Variants in ZMIZ1 observed in about 807,000 individuals in gnomAD.
The protein encoded by ZMIZ1 is zinc finger MIZ domain-containing protein 1.
A neutral mutation model predicts 113.9 loss-of-function variants in ZMIZ1; 17 were observed. The ratio of observed to expected loss-of-function variants is 0.15; its 90% CI spans 0.10 to 0.22. The LOEUF is 0.22. Ranked by LOEUF, ZMIZ1 falls within the 10% of genes least tolerant of loss-of-function variation. The pLI is 1.00. For missense variants in ZMIZ1, 1,059 were observed against 1,477.8 expected (o/e 0.72, Z 4.65); for synonymous variants, 607 against 603.1 (o/e 1.01, Z -0.09).
At chr10:79,306,008 A>C in intron 21 of ZMIZ1, 92 bp from the exon 22 acceptor site, 1 of 1,538,314 alleles carries the variant, frequency 6.5e-7, no homozygotes, top group Non-Finnish European at 8.7e-7. Flanking sequence ...GGCCTCAACA[A>C]GGTCACCTGG....
chr10:79,164,218 C>A (rs968128822), intron 4 of ZMIZ1, among the ~76,000 whole-genome samples: 1 of 152,218 alleles, frequency 6.6e-6, no homozygotes, highest in African/African-American at 2.4e-5. Context: ...GCGTGGGGCT[C>A]CGCTCTTGAC....
chr10:79,166,192 C>T (rs1365042533), intron 4 of ZMIZ1, among the ~76,000 whole-genome samples: 1 of 152,168 alleles, frequency 6.6e-6, no homozygotes. Flanking sequence ...GTCCCTGCAC[C>T]TCCTCACCTC....
Position 79,312,756 on chromosome 10 carries a change from C to T in ZMIZ1, c.*7C>T, listed in dbSNP as rs774106170. On this transcript the variant is annotated 3_prime_UTR_variant, in exon 25 of 25. Coordinates refer to ENST00000334512, the MANE Select transcript of ZMIZ1 (RefSeq NM_020338.4). ...TCTATTTGAGAACAACTGAGGGCCA[C>T]CCGGTCGGGGCCATCCCTCCACACT... is the stretch of plus-strand genomic sequence containing the variant. The T allele has an allele frequency of 3.1e-6, 5 of 1,613,360 alleles. No individual in the cohort carries two copies. The South Asian group carries it at 4.4e-5, about 14-fold the overall frequency.
At chr10:79,122,452 G>T (rs1297643084) in intron 2 of ZMIZ1, among the ~76,000 whole-genome samples, 1 of 152,124 alleles carries the variant, frequency 6.6e-6, no homozygotes, top group Non-Finnish European at 1.5e-5. Flanking sequence ...CACCTGGCTG[G>T]GCAGTGGAGG....
chr10:79,088,180 T>G lies in ZMIZ1; in HGVS notation c.-337+18910T>G, dbSNP rs78380565. 6.4e-4 allele frequency among the ~76,000 whole-genome samples: 98 copies of G among 152,248 alleles called. 1 individual carries two copies. The highest frequency in any genetic ancestry group is 1.2e-3 in the Non-Finnish European group (82 of 67,976). ...GCCATGCCAGGCTCCCAGGAGCGCTTTGTGGGTCAGGTTGTTTTGCCCAAA... is the reference window on the plus strand; with the variant it reads ...GCCATGCCAGGCTCCCAGGAGCGCTGTGTGGGTCAGGTTGTTTTGCCCAAA... On this transcript the variant is annotated intron_variant, in intron 1 of 24. Coordinates refer to ENST00000334512, the MANE Select transcript of ZMIZ1 (RefSeq NM_020338.4).
At position 79,274,586 on chromosome 10, in the gene ZMIZ1, A is replaced by G. The variant is rs1852151528; in HGVS notation, c.281-2595A>G. On this transcript the variant is annotated intron_variant, in intron 7 of 24. Transcript: ENST00000334512. Reference sequence around the variant, plus strand: ...ACTTGTGTTGGTTTGCACCATAAGGAGAACACGCACAACATCCACTGCCCC... The same window carrying G: ...ACTTGTGTTGGTTTGCACCATAAGGGGAACACGCACAACATCCACTGCCCC... Among the ~76,000 whole-genome samples the G allele has an allele frequency of 9.2e-5, 14 of 152,010 alleles. 1 individual carries two copies. The highest frequency in any genetic ancestry group is 9.2e-4 in the Admixed American group (14 of 15,260).
rs1038730933 is a variant in ZMIZ1 at position 79,315,851 on chromosome 10, AAAC to A, written c.*3105_*3107del. On this transcript the variant is annotated 3_prime_UTR_variant, in exon 25 of 25. Coordinates refer to ENST00000334512, the MANE Select transcript of ZMIZ1 (RefSeq NM_020338.4). ...TGTATTGTTTTTATTTTGCGAAACAAAACAAAACAAAAAAAAAAGCTTGGAACT... is the reference window on the plus strand; with the variant it reads ...TGTATTGTTTTTATTTTGCGAAACAAAAAACAAAAAAAAAAGCTTGGAACT... 9 of 152,744 alleles carry A rather than the reference AAAC, an allele frequency of 5.9e-5. No individual in the cohort carries two copies. Among genetic ancestry groups the A allele is most frequent in the Non-Finnish European group, 1.3e-4 (9 of 68,024 alleles). The allele number at this position is 152,744 out of a possible 1,614,324, so 9.5% of individuals were successfully genotyped here.
rs190164241 is a variant in ZMIZ1, at chr10:79,258,210, C to T, written c.281-18971C>T. On this transcript the variant is annotated intron_variant, in intron 7 of 24. Coordinates refer to ENST00000334512, the MANE Select transcript of ZMIZ1 (RefSeq NM_020338.4). The stretch of plus-strand genomic sequence containing the variant: ...CAGCTTGGGCAACATGGCGAGGACT[C>T]ATCTCTACTAAGAATCAAAACAAAT... 5.3e-5 allele frequency among the ~76,000 whole-genome samples: 8 copies of T among 152,220 alleles called. No homozygotes were observed. The East Asian group carries it at 1.5e-3, about 29-fold the overall frequency.
rs113650066 is a variant in ZMIZ1 at position 79,118,896 on chromosome 10, C to T, written c.-336-19C>T. 9.1e-3 allele frequency: 1,383 copies of T among 152,444 alleles called. 10 individuals carry two copies. Among genetic ancestry groups the T allele is most frequent in the Non-Finnish European group, 0.015 (1,017 of 68,046 alleles). The allele number at this position is 152,444 out of a possible 1,614,324, so 9.4% of individuals were successfully genotyped here. ...GGTCAGAGCTTGGAGCTCACTGCCC[C>T]CTTTCTTGTCTCCCATAGGACTCAC... On this transcript the variant is annotated intron_variant, in intron 1 of 24. Coordinates refer to ENST00000334512, the MANE Select transcript of ZMIZ1 (RefSeq NM_020338.4). The surrounding 1 kb of genome is among the most constrained non-coding windows in gnomAD (Gnocchi z 4.1).
intron 1 of ZMIZ1, among the ~76,000 whole-genome samples, chr10:79,075,071 C>G (rs1181882425): frequency 6.6e-6 from 1 of 152,240 alleles, no homozygotes; most frequent in Non-Finnish European, 1.5e-5. Context: ...CTGTTGAGGA[C>G]AGACGGTGGG....
At chr10:79,109,735 G>T (rs1843673029) in intron 1 of ZMIZ1, among the ~76,000 whole-genome samples, 1 of 152,258 alleles carries the variant, frequency 6.6e-6, no homozygotes, top group African/African-American at 2.4e-5. Flanking sequence ...CCCAGGCTCT[G>T]TTGCCAGCAT....
chr10:79,174,316 A>G (rs1846729823), intron 4 of ZMIZ1, among the ~76,000 whole-genome samples: 1 of 152,088 alleles, frequency 6.6e-6, no homozygotes, highest in South Asian at 2.1e-4. Flanking sequence ...GCCGTGACCA[A>G]CTGGACAGAA....
In ZMIZ1 at chr10:79,290,948, T is replaced by G; in HGVS notation, c.541-11T>G. The G allele has an allele frequency of 1.2e-6, 2 of 1,611,360 alleles. No homozygotes were observed. Among genetic ancestry groups the G allele is most frequent in the Non-Finnish European group, 1.7e-6 (2 of 1,177,766 alleles). ...TAGCACCTTAGGTGACAACCACTTC[T>G]CTGCCCACAGGTCCTTGGGAACCCT... On this transcript the variant is annotated splice_polypyrimidine_tract_variant and intron_variant, in intron 9 of 24. Transcript: ENST00000334512.
Position 79,299,058 on chromosome 10 carries a change from A to C in ZMIZ1, c.1675A>C (p.Asn559His). Reference sequence around the variant, plus strand: ...TCCTCTCCTCGCCCCAGCCAACCACAATGACGAGCTGCGGCTCACATTCCC... The same window carrying C: ...TCCTCTCCTCGCCCCAGCCAACCACCATGACGAGCTGCGGCTCACATTCCC... ...SALPPPPANH[N>H]DELRLTFPVR... is the part of the protein sequence containing the mutation. Residue 559 changes from asparagine (N) to histidine (H), a missense_variant, in exon 16 of 25, where the codon AAT becomes CAT. Coordinates refer to ENST00000334512, the MANE Select transcript of ZMIZ1 (RefSeq NM_020338.4). The C allele has an allele frequency of 6.2e-7, 1 of 1,609,806 alleles. No individual in the cohort carries two copies. The highest frequency in any genetic ancestry group is 8.5e-7 in the Non-Finnish European group (1 of 1,178,220).
intron 2 of ZMIZ1, among the ~76,000 whole-genome samples, chr10:79,121,327 A>T (rs926983810): frequency 6.6e-6 from 1 of 152,126 alleles, no homozygotes; most frequent in African/African-American, 2.4e-5. Flanking sequence ...TCAATTCAAC[A>T]CTTCCTTTTC....
intron 1 of ZMIZ1, among the ~76,000 whole-genome samples, chr10:79,095,474 A>G (rs1843137591): frequency 6.6e-6 from 1 of 152,160 alleles, no homozygotes; most frequent in Admixed American, 6.5e-5. Flanking sequence ...AGCCAACCCC[A>G]TTCTCCTGAC....
chr10:79,310,292 C>T (rs1855037359), intron 23 of ZMIZ1, among the ~76,000 whole-genome samples: 1 of 152,172 alleles, frequency 6.6e-6, no homozygotes, highest in South Asian at 2.1e-4. Flanking sequence ...GCCAGGTGCC[C>T]ACCCAGCCCT....
At chr10:79,111,069 G>A (rs541739332) in intron 1 of ZMIZ1, among the ~76,000 whole-genome samples, 2 of 152,184 alleles carry the variant, frequency 1.3e-5, no homozygotes, top group African/African-American at 4.8e-5. Context: ...GACCACCACC[G>A]GGGCCCCTGT....
At chr10:79,239,266 G>A (rs1470092569) in intron 7 of ZMIZ1, among the ~76,000 whole-genome samples, 1 of 152,204 alleles carries the variant, frequency 6.6e-6, no homozygotes, top group Non-Finnish European at 1.5e-5. Flanking sequence ...CTGGCTGTGT[G>A]ATAGCTGCTC....
Sources: gnomAD v4.1 joint callset for allele counts (sites outside exome capture counted in the v4.1 genomes callset) on GRCh38, gnomAD v4.1.1 for gene constraint, Gnocchi (gnomAD v3.1) non-coding constraint, MANE v1.5 for transcripts, NCBI Gene and HGNC (gene_info 2026-07-23, HGNC 2026-07-21) for gene names.